The following GABRB1 variants were observed in gnomAD, a reference collection of about 807,000 sequenced individuals.
The protein encoded by GABRB1 is gamma-aminobutyric acid type A receptor subunit beta1.
GABRB1 carries 17 observed loss-of-function variants against 51.6 expected under a neutral mutation model. That is an observed-to-expected ratio of 0.33 (90% CI 0.23 to 0.49). The LOEUF is 0.49. Among genes scored for constraint, GABRB1 ranks in the 20% least tolerant of loss-of-function variants. The pLI, the probability that GABRB1 is intolerant of heterozygous loss-of-function variation, is 0.99. For synonymous variants in GABRB1, 247 were observed against 218.9 expected, an observed-to-expected ratio of 1.13 and a Z score of -1.14; for missense variants, 410 against 600.6, an observed-to-expected ratio of 0.68 and a Z score of 3.32.
At chr4:47,005,866 T>G (rs192132170) in intron 1 of GABRB1, among the ~76,000 whole-genome samples, 4 of 148,318 alleles carry the variant, frequency 2.7e-5, no homozygotes, top group Non-Finnish European at 5.9e-5. Context: ...GCAGCCAAAC[T>G]TTCAGGATTT....
At chr4:47,256,054 A>G (rs1722185901) in intron 4 of GABRB1, among the ~76,000 whole-genome samples, 1 of 152,186 alleles carries the variant, frequency 6.6e-6, no homozygotes, top group South Asian at 2.1e-4. Flanking sequence ...TGAATTAGGG[A>G]GTGGGAAATC....
In GABRB1 at chr4:47,032,412, G is replaced by A. The variant is rs6285; in HGVS notation, c.173-5G>A. 113 of 1,580,674 alleles carry A rather than the reference G, an allele frequency of 7.1e-5. No individual in the cohort carries two copies. The highest frequency in any genetic ancestry group is 9.0e-5 in the Non-Finnish European group (105 of 1,160,268). Reference sequence around the variant, plus strand: ...TGTTCCTAATGTGGCCCACCTCCCCGGCAGGGCCCCCCGTCGACGTTGGGA... The same window carrying A: ...TGTTCCTAATGTGGCCCACCTCCCCAGCAGGGCCCCCCGTCGACGTTGGGA... On this transcript the variant is annotated splice_region_variant and splice_polypyrimidine_tract_variant and intron_variant, in intron 2 of 8. Transcript: ENST00000295454.
intron 3 of GABRB1, among the ~76,000 whole-genome samples, chr4:47,040,570 T>C (rs142256788): frequency 1.4e-4 from 21 of 152,256 alleles, no homozygotes; most frequent in African/African-American, 4.6e-4. Context: ...ACCATCTCTT[T>C]CACTGCTGAA....
intron 3 of GABRB1, among the ~76,000 whole-genome samples, chr4:47,136,934 C>G (rs1020819540): frequency 1.3e-5 from 2 of 151,980 alleles, no homozygotes; most frequent in Non-Finnish European, 2.9e-5. Context: ...GCAAAGTTTT[C>G]AACTTATATT....
chr4:47,076,837 A>T (rs1357268989), intron 3 of GABRB1, among the ~76,000 whole-genome samples: 1 of 152,158 alleles, frequency 6.6e-6, no homozygotes, highest in Non-Finnish European at 1.5e-5. Context: ...GCACACTCCC[A>T]TAATAAATCA....
intron 1 of GABRB1, among the ~76,000 whole-genome samples, chr4:47,022,132 A>C (rs1355581606): frequency 6.6e-6 from 1 of 152,080 alleles, no homozygotes; most frequent in East Asian, 1.9e-4. Flanking sequence ...GTACTTAAAA[A>C]TTGGAGAATA....
At chr4:47,134,048 C>T (rs1345180467) in intron 3 of GABRB1, among the ~76,000 whole-genome samples, 1 of 152,112 alleles carries the variant, frequency 6.6e-6, no homozygotes, top group East Asian at 1.9e-4. Flanking sequence ...CTTACCACTT[C>T]AAAATGATTA....
intron 5 of GABRB1, among the ~76,000 whole-genome samples, chr4:47,343,908 T>C (rs776266071): frequency 6.6e-6 from 1 of 152,204 alleles, no homozygotes; most frequent in Non-Finnish European, 1.5e-5. Context: ...GAGTTACACA[T>C]CTAGTTAATG....
intron 5 of GABRB1, among the ~76,000 whole-genome samples, chr4:47,399,754 A>G (rs150904082): frequency 4.6e-5 from 7 of 152,266 alleles, no homozygotes; most frequent in African/African-American, 7.2e-5. Context: ...GCTGTCCTTT[A>G]TGCCTATATT....
chr4:47,148,050 G>C (rs1395196126), intron 3 of GABRB1, among the ~76,000 whole-genome samples: 1 of 152,056 alleles, frequency 6.6e-6, no homozygotes, highest in Non-Finnish European at 1.5e-5. Context: ...AACAAGACTA[G>C]AGAAGTCTAC....
intron 5 of GABRB1, among the ~76,000 whole-genome samples, chr4:47,380,703 C>T (rs1484454888): frequency 6.6e-6 from 1 of 152,154 alleles, no homozygotes; most frequent in Non-Finnish European, 1.5e-5. Context: ...TTTAACTGTA[C>T]ATCTCCTTGA....
chr4:47,049,392 G>A (rs1023555700), intron 3 of GABRB1, among the ~76,000 whole-genome samples: 2 of 152,170 alleles, frequency 1.3e-5, no homozygotes, highest in African/African-American at 4.8e-5. Context: ...GGAGAATACA[G>A]AGGCTAATCA....
intron 3 of GABRB1, among the ~76,000 whole-genome samples, chr4:47,160,405 A>G (rs1317722701): frequency 2.0e-5 from 3 of 152,284 alleles, no homozygotes; most frequent in African/African-American, 7.2e-5. Context: ...TCATCCATCG[A>G]TAAGTTGTAA....
intron 5 of GABRB1, among the ~76,000 whole-genome samples, chr4:47,399,450 T>C (rs1000475307): frequency 6.6e-6 from 1 of 151,652 alleles, no homozygotes; most frequent in Non-Finnish European, 1.5e-5. Flanking sequence ...CTGTTTTGAT[T>C]TTCTGTGCCT....
intron 5 of GABRB1, among the ~76,000 whole-genome samples, chr4:47,327,720 T>C (rs915694748): frequency 2.0e-5 from 3 of 152,246 alleles, no homozygotes; most frequent in African/African-American, 7.2e-5. Context: ...TCATTGTCTT[T>C]ATATAAATAT....
Position 47,201,989 on chromosome 4 carries a change from C to T in GABRB1, c.461+40520C>T, listed in dbSNP as rs77212981. ...AAGTATAAACTGTCCTCCTTCCACA[C>T]GAAATGCTCTGTCTAGTCTCTCCAT... On this transcript the variant is annotated intron_variant, in intron 4 of 8. Transcript: ENST00000295454. Among the ~76,000 whole-genome samples, 1,299 of 152,242 alleles carry T rather than the reference C, an allele frequency of 8.5e-3. 18 individuals are homozygous for T. The highest frequency in any genetic ancestry group is 0.029 in the African/African-American group (1,204 of 41,548).
In GABRB1 at chr4:47,032,073, C is replaced by CAAAAAAAAAAAAAAAA. The variant is rs71654859; in HGVS notation, c.172+81_172+82insAAAAAAAAAAAAAAAA. On this transcript the variant is annotated intron_variant, in intron 2 of 8. Transcript: ENST00000295454. ...CTCCTTTTCTGTCAAAGATAAATGT[C>CAAAAAAAAAAAAAAAA]AAAAAAAAAAAAAGAAAAGGCATGT... The CAAAAAAAAAAAAAAAA allele has an allele frequency of 1.3e-5, 6 of 451,004 alleles. 1 individual carries two copies. Among genetic ancestry groups the CAAAAAAAAAAAAAAAA allele is most frequent in the African/African-American group, 9.9e-5 (3 of 30,246 alleles). The allele number at this position is 451,004 out of a possible 1,614,324, so 27.9% of individuals were successfully genotyped here.
rs1727707919 is a variant in GABRB1, at chr4:47,384,408, C to T, written c.545-18910C>T. ...ATTTCTCAGTGAAAAGTGACCCCCACACCAAAATAAAAAAAAAAAAAGGAA... is the reference window on the plus strand; with the variant it reads ...ATTTCTCAGTGAAAAGTGACCCCCATACCAAAATAAAAAAAAAAAAAGGAA... On this transcript the variant is annotated intron_variant, in intron 5 of 8. Transcript: ENST00000295454. Among the ~76,000 whole-genome samples, 3 of 132,138 alleles carry T rather than the reference C, an allele frequency of 2.3e-5. No homozygotes were observed. In the South Asian group the frequency reaches 7.3e-4, roughly 32 times the overall value. 86.7% of individuals were successfully genotyped at this position (132,138 alleles called of 152,430 possible). A position where few individuals can be genotyped will look rare whatever the true frequency, so the allele number is the denominator to read the frequency against.
At chr4:47,263,161 T>A (rs1443260731) in intron 4 of GABRB1, among the ~76,000 whole-genome samples, 1 of 151,300 alleles carries the variant, frequency 6.6e-6, no homozygotes, top group Non-Finnish European at 1.5e-5. Flanking sequence ...ACCTGCACAT[T>A]GTGCACATGT....
Sources: gnomAD v4.1 joint callset for allele counts (sites outside exome capture counted in the v4.1 genomes callset) on GRCh38, gnomAD v4.1.1 for gene constraint, MANE v1.5 for transcripts, NCBI Gene and HGNC (gene_info 2026-07-23, HGNC 2026-07-21) for gene names.